Variants in ALK observed in about 807,000 individuals in gnomAD.
The protein encoded by ALK is ALK receptor tyrosine kinase.
A neutral mutation model predicts 163.1 loss-of-function variants in ALK; 74 were observed. The observed-to-expected ratio is 0.45, with a 90% CI of 0.38 to 0.55. The LOEUF (loss-of-function observed/expected upper bound fraction) is 0.55. Ranked by LOEUF, ALK falls within the 20% of genes least tolerant of loss-of-function variation. ALK has a pLI of 0.00. For synonymous variants in ALK, 960 were observed against 843.2 expected (o/e 1.14, Z -2.40); for missense variants, 2,063 against 2,105.3 (o/e 0.98, Z 0.39).
rs191326260 is a variant in ALK at position 29,652,058 on chromosome 2, G to A, written c.952+42792C>T. On this transcript the variant is annotated intron_variant, in intron 3 of 28. Coordinates refer to ENST00000389048, the MANE Select transcript of ALK (RefSeq NM_004304.5). The stretch of plus-strand genomic sequence containing the variant: ...TTTACAGAGGGAAAGCTAATACAGA[G>A]AGCTGGTAAAGGGAAGGTTAATTAA... Among the ~76,000 whole-genome samples the A allele has an allele frequency of 1.6e-3, 237 of 152,264 alleles. 6 individuals carry two copies. Among genetic ancestry groups the A allele is most frequent in the Admixed American group, 0.015 (232 of 15,272 alleles).
chr2:29,594,819 G>A (rs1308524084), intron 3 of ALK, among the ~76,000 whole-genome samples: 6 of 142,486 alleles, frequency 4.2e-5, no homozygotes, highest in Non-Finnish European at 6.0e-5. Flanking sequence ...GGGTGTGTGT[G>A]GGGGTTCTCT....
intron 4 of ALK, among the ~76,000 whole-genome samples, chr2:29,453,560 G>A (rs942232084): frequency 2.0e-5 from 3 of 151,392 alleles, no homozygotes; most frequent in Non-Finnish European, 4.4e-5. Context: ...TCTTTTTTTT[G>A]AAAAAAATAC....
In ALK at chr2:29,695,024, T is replaced by G; in HGVS notation, c.788-10A>C. 6.2e-7 allele frequency: 1 copy of G among 1,613,956 alleles called. No homozygotes were observed. Among genetic ancestry groups the G allele is most frequent in the Non-Finnish European group, 8.5e-7 (1 of 1,179,946 alleles). ...AAGCTGCACTCCAGACCTGCAATAA[T>G]AGCCAAGGGTCAATGGAAAAAACCA... On this transcript the variant is annotated splice_polypyrimidine_tract_variant and intron_variant, in intron 2 of 28. Transcript: ENST00000389048.
intron 3 of ALK, among the ~76,000 whole-genome samples, chr2:29,556,177 A>G (rs1313820609): frequency 6.6e-6 from 1 of 152,260 alleles, no homozygotes; most frequent in Admixed American, 6.5e-5. Flanking sequence ...TTATTTCCCC[A>G]CTGTTCAGAG....
chr2:29,361,367 C>T (rs1668384565), intron 5 of ALK, among the ~76,000 whole-genome samples: 1 of 152,210 alleles, frequency 6.6e-6, no homozygotes, highest in Admixed American at 6.5e-5. Flanking sequence ...AGTCCAGAAC[C>T]ATCCCACAGA....
intron 1 of ALK, among the ~76,000 whole-genome samples, chr2:29,817,399 T>A (rs897004512): frequency 6.6e-6 from 1 of 152,226 alleles, no homozygotes; most frequent in Non-Finnish European, 1.5e-5. Context: ...ACAACGTGAC[T>A]GCAAGATGGC....
intron 1 of ALK, among the ~76,000 whole-genome samples, chr2:29,862,470 C>A (rs550339332): frequency 6.6e-5 from 10 of 152,094 alleles, no homozygotes; most frequent in Admixed American, 2.6e-4. Flanking sequence ...AATCATCATA[C>A]AAAATTCAGG....
intron 1 of ALK, among the ~76,000 whole-genome samples, chr2:29,738,272 T>C (rs1679950225): frequency 6.6e-6 from 1 of 151,950 alleles, no homozygotes; most frequent in African/African-American, 2.4e-5. Flanking sequence ...TCCATATCAA[T>C]GGAAAGAGAA....
chr2:29,693,434 C>CACACAG (rs1475246021), intron 3 of ALK, among the ~76,000 whole-genome samples: 6 of 147,574 alleles, frequency 4.1e-5, no homozygotes. Flanking sequence ...CACACACACA[C>CACACAG]ACAGACACAC....
chr2:29,434,332 C>T (rs1370646261), intron 4 of ALK, among the ~76,000 whole-genome samples: 1 of 152,152 alleles, frequency 6.6e-6, no homozygotes, highest in African/African-American at 2.4e-5. Context: ...TAGTTCATTC[C>T]TTTTCTGAAA....
chr2:29,416,897 G>A (rs1008806268), intron 4 of ALK, among the ~76,000 whole-genome samples: 6 of 149,958 alleles, frequency 4.0e-5, no homozygotes, highest in African/African-American at 1.2e-4. Flanking sequence ...CTCAATGCCT[G>A]CCTCATATAT....
At chr2:29,723,848 C>A (rs899222066) in intron 1 of ALK, among the ~76,000 whole-genome samples, 1 of 152,114 alleles carries the variant, frequency 6.6e-6, no homozygotes, top group African/African-American at 2.4e-5. Context: ...ATATTTAGAT[C>A]ATCTTGTGTC....
intron 1 of ALK, among the ~76,000 whole-genome samples, chr2:29,732,242 G>A (rs796617945): frequency 2.0e-5 from 3 of 152,262 alleles, no homozygotes; most frequent in East Asian, 1.9e-4. Flanking sequence ...ATTTGGGGTC[G>A]CTTGCAAATA....
chr2:29,806,930 G>A (rs1664632985), intron 1 of ALK, among the ~76,000 whole-genome samples: 1 of 152,184 alleles, frequency 6.6e-6, no homozygotes, highest in Non-Finnish European at 1.5e-5. Flanking sequence ...CAATTGTAAG[G>A]AAAAACATAG....
chr2:29,596,012 C>T (rs779682171), intron 3 of ALK, among the ~76,000 whole-genome samples: 15 of 152,250 alleles, frequency 9.9e-5, no homozygotes, highest in Non-Finnish European at 1.8e-4. Flanking sequence ...TGAGAGTAAA[C>T]GAGTGTCCAC....
At chr2:29,838,728 G>C (rs375919001) in intron 1 of ALK, among the ~76,000 whole-genome samples, 135 of 152,230 alleles carry the variant, frequency 8.9e-4, no homozygotes, top group African/African-American at 3.2e-3. Flanking sequence ...AGGAACCTGT[G>C]GGTGAAAAAT....
chr2:29,674,149 A>G (rs1415295164), intron 3 of ALK, among the ~76,000 whole-genome samples: 1 of 151,260 alleles, frequency 6.6e-6, no homozygotes, highest in Admixed American at 6.6e-5. Context: ...CTCTTTTCCT[A>G]ATTGAATACC....
chr2:29,700,601 C>T lies in ALK; in HGVS notation c.788-5587G>A, dbSNP rs547424163. The stretch of plus-strand genomic sequence containing the variant: ...TTGCACATAATAGTTGCAGGATGAA[C>T]GAGTGAGTGTGTGTGCACACACCTG... On this transcript the variant is annotated intron_variant, in intron 2 of 28. Transcript: ENST00000389048. 5.3e-5 allele frequency among the ~76,000 whole-genome samples: 8 copies of T among 152,216 alleles called. No homozygotes were observed. In the South Asian group the frequency reaches 8.3e-4, roughly 16 times the overall value.
chr2:29,388,526 G>A (rs752747176), intron 4 of ALK, among the ~76,000 whole-genome samples: 11 of 152,210 alleles, frequency 7.2e-5, no homozygotes, highest in Admixed American at 2.0e-4. Flanking sequence ...ACGACCTTAG[G>A]CAAATGATTT....
Sources: gnomAD v4.1 joint callset for allele counts (sites outside exome capture counted in the v4.1 genomes callset) on GRCh38, gnomAD v4.1.1 for gene constraint, MANE v1.5 for transcripts, NCBI Gene and HGNC (gene_info 2026-07-23, HGNC 2026-07-21) for gene names.